LRRTM3: variants seen among roughly 807,000 people sequenced by gnomAD.
LRRTM3 encodes leucine-rich repeat transmembrane neuronal protein 3.
Under a neutral mutation model 44.7 loss-of-function variants are expected in LRRTM3, and 24 were observed. The ratio of observed to expected loss-of-function variants is 0.54; its 90% CI spans 0.39 to 0.76. The LOEUF (loss-of-function observed/expected upper bound fraction) is 0.76, where lower values mean the gene tolerates loss of function less well. LRRTM3 is among the 30% of genes least tolerant of loss of function. The pLI is 0.00. For missense variants in LRRTM3, 587 were observed against 702.2 expected, an observed-to-expected ratio of 0.84 and a Z score of 1.85; for synonymous variants, 277 against 278.7, an observed-to-expected ratio of 0.99 and a Z score of 0.06.
At chr10:67,071,841 A>C (rs1856485801) in intron 2 of LRRTM3, among the ~76,000 whole-genome samples, 1 of 152,172 alleles carries the variant, frequency 6.6e-6, no homozygotes, top group African/African-American at 2.4e-5. Flanking sequence ...CAGTTCACTA[A>C]ACTTGTATTA....
chr10:66,956,016 G>A (rs1848773661), intron 2 of LRRTM3, among the ~76,000 whole-genome samples: 1 of 152,102 alleles, frequency 6.6e-6, no homozygotes, highest in South Asian at 2.1e-4. Flanking sequence ...GCCTTTAAGG[G>A]AATTCTGCAG....
intron 2 of LRRTM3, among the ~76,000 whole-genome samples, chr10:66,990,817 T>C (rs1850999374): frequency 6.6e-6 from 1 of 152,212 alleles, no homozygotes; most frequent in Non-Finnish European, 1.5e-5. Context: ...CCAATACAGA[T>C]ATCCTATTCA....
intron 2 of LRRTM3, among the ~76,000 whole-genome samples, chr10:67,020,103 T>A (rs1282638835): frequency 6.6e-6 from 1 of 152,178 alleles, no homozygotes; most frequent in Admixed American, 6.5e-5. Context: ...CAAATCGCCT[T>A]ACAATAAAAA....
intron 2 of LRRTM3, among the ~76,000 whole-genome samples, chr10:66,937,890 G>T (rs1564780281): frequency 6.6e-6 from 1 of 151,442 alleles, no homozygotes; most frequent in Non-Finnish European, 1.5e-5. Flanking sequence ...CCTCTTTTCT[G>T]TTTTTTTTCC....
chr10:67,044,331 G>T (rs1463600053), intron 2 of LRRTM3, among the ~76,000 whole-genome samples: 3 of 152,030 alleles, frequency 2.0e-5, no homozygotes, highest in African/African-American at 7.3e-5. Flanking sequence ...TTTCCAAAAC[G>T]TTTAAAGTTT....
intron 2 of LRRTM3, among the ~76,000 whole-genome samples, chr10:67,095,205 A>G (rs1857910203): frequency 6.6e-6 from 1 of 151,648 alleles, no homozygotes; most frequent in African/African-American, 2.4e-5. Flanking sequence ...ACTTACTGAT[A>G]CATCTTACTA....
intron 2 of LRRTM3, chr10:67,015,437 T>A (rs1472194524): frequency 1.3e-5 from 2 of 152,198 alleles, no homozygotes; most frequent in Non-Finnish European, 2.9e-5. Context: ...TATATTTGAC[T>A]GAAAATAAAA....
intron 2 of LRRTM3, among the ~76,000 whole-genome samples, chr10:67,048,800 A>T (rs1287520133): frequency 1.3e-5 from 2 of 152,088 alleles, no homozygotes; most frequent in African/African-American, 4.8e-5. Flanking sequence ...CAAGTATTAT[A>T]TCTCATAACA....
At chr10:67,074,319 C>T (rs1290058414) in intron 2 of LRRTM3, among the ~76,000 whole-genome samples, 2 of 148,116 alleles carry the variant, frequency 1.4e-5, no homozygotes, top group Admixed American at 1.3e-4. Context: ...CATGAGCCAC[C>T]GTGCCCAGCT....
At chr10:67,001,628 A>G (rs1851698417) in intron 2 of LRRTM3, among the ~76,000 whole-genome samples, 1 of 152,162 alleles carries the variant, frequency 6.6e-6, no homozygotes, top group South Asian at 2.1e-4. Context: ...AATACTCAAA[A>G]AGAATAATTT....
chr10:66,926,693 G>A (rs1284925727), intron 1 of LRRTM3, 106 bp downstream of exon 1: 1 of 1,298,050 alleles, frequency 7.7e-7, no homozygotes, highest in Non-Finnish European at 1.1e-6. Flanking sequence ...ACCTTGCTCT[G>A]CTCTAAGACT....
intron 2 of LRRTM3, among the ~76,000 whole-genome samples, chr10:66,943,831 G>A (rs566606014): frequency 1.9e-3 from 294 of 152,254 alleles, no homozygotes; most frequent in South Asian, 7.5e-3. Flanking sequence ...ATGCTGTACT[G>A]TAGTCTATTA....
chr10:67,073,652 T>C (rs1454731638), intron 2 of LRRTM3, among the ~76,000 whole-genome samples: 1 of 148,172 alleles, frequency 6.7e-6, no homozygotes, highest in Non-Finnish European at 1.5e-5. Flanking sequence ...CAAAAAATAA[T>C]AGAGATACAA....
intron 2 of LRRTM3, among the ~76,000 whole-genome samples, chr10:67,017,500 T>C (rs1447391556): frequency 1.3e-5 from 2 of 152,174 alleles, no homozygotes; most frequent in African/African-American, 4.8e-5. Flanking sequence ...AATCTATCTT[T>C]TGTGTACCAC....
At chr10:66,939,400 G>A (rs931294773) in intron 2 of LRRTM3, among the ~76,000 whole-genome samples, 1 of 151,984 alleles carries the variant, frequency 6.6e-6, no homozygotes, top group Non-Finnish European at 1.5e-5. Context: ...CCTTCAAACT[G>A]AGTTAAAAGG....
rs1372123239 is a variant in LRRTM3 at position 67,098,789 on chromosome 10, T to C, written c.*993T>C. On this transcript the variant is annotated 3_prime_UTR_variant, in exon 3 of 3. Coordinates refer to ENST00000361320, the MANE Select transcript of LRRTM3 (RefSeq NM_178011.5). The stretch of plus-strand genomic sequence containing the variant: ...AGGTGGGAGTATAGTGCATAATAAT[T>C]GTACAGTAGCAATTTTTATCCTAAT... 2.0e-5 allele frequency: 3 copies of C among 151,954 alleles called. No homozygotes were observed. In the East Asian group the frequency reaches 5.8e-4, roughly 29 times the overall value. 9.4% of individuals were successfully genotyped at this position (151,954 alleles called of 1,614,324 possible).
chr10:66,958,564 T>C (rs1426329132), intron 2 of LRRTM3, among the ~76,000 whole-genome samples: 4 of 152,116 alleles, frequency 2.6e-5, no homozygotes, highest in Non-Finnish European at 5.9e-5. Context: ...GGCAAAAGAA[T>C]TCAATAAGTA....
intron 2 of LRRTM3, among the ~76,000 whole-genome samples, chr10:67,050,286 A>G (rs1197154242): frequency 6.6e-6 from 1 of 152,224 alleles, no homozygotes; most frequent in Non-Finnish European, 1.5e-5. Flanking sequence ...CAAACAATTT[A>G]CATATTCTAG....
chr10:67,026,417 T>A (rs1853392410), intron 2 of LRRTM3, among the ~76,000 whole-genome samples: 1 of 151,908 alleles, frequency 6.6e-6, no homozygotes, highest in Non-Finnish European at 1.5e-5. Context: ...ATAGAACTAA[T>A]GAATTGTATT....
Sources: gnomAD v4.1 joint callset for allele counts (sites outside exome capture counted in the v4.1 genomes callset) on GRCh38, gnomAD v4.1.1 for gene constraint, MANE v1.5 for transcripts, NCBI Gene and HGNC (gene_info 2026-07-23, HGNC 2026-07-21) for gene names.